The following KCP variants were observed in gnomAD, a reference collection of about 807,000 sequenced individuals.
KCP encodes kielin cysteine rich BMP regulator, also known as kielin/chordin-like protein.
KCP carries 194 observed loss-of-function variants against 212.7 expected under a neutral mutation model. The observed-to-expected ratio is 0.91, with a 90% CI of 0.81 to 1.03. The LOEUF (loss-of-function observed/expected upper bound fraction) is 1.03. Ranked by LOEUF, KCP falls within the 50% of genes least tolerant of loss-of-function variation. The probability of loss-of-function intolerance (pLI) is 0.00; values close to 1 mark genes in which losing one functional copy is unlikely to be tolerated. For synonymous variants in KCP, 833 were observed against 865.3 expected (o/e 0.96, Z 0.65); for missense variants, 2,080 against 2,162.5 (o/e 0.96, Z 0.76).
In KCP at chr7:128,886,752, C is replaced by G; in HGVS notation, c.2690-15G>C. On this transcript the variant is annotated splice_polypyrimidine_tract_variant and intron_variant, in intron 24 of 39. Coordinates refer to ENST00000610776, the MANE Select transcript of KCP (RefSeq NM_001366122.1). ...AGAGAGACAGCCTGTGGGGGACACACCTCCTGGGTGGGGGGCCTGTGCCAC... is the reference window on the plus strand; with the variant it reads ...AGAGAGACAGCCTGTGGGGGACACAGCTCCTGGGTGGGGGGCCTGTGCCAC... 3.2e-6 allele frequency: 5 copies of G among 1,551,046 alleles called. No individual in the cohort carries two copies. The highest frequency in any genetic ancestry group is 4.4e-6 in the Non-Finnish European group (5 of 1,146,450).
chr7:128,878,695 C>G lies in KCP; in HGVS notation c.4174G>C (p.Glu1392Gln). Residue 1392 changes from glutamate to glutamine, a missense_variant, in exon 38 of 40, where the codon GAG becomes CAG. Coordinates refer to ENST00000610776, the MANE Select transcript of KCP (RefSeq NM_001366122.1). ...TGGTAGGAGCCAGGTACGCTCACCT[C>G]CACCTGGGACTGCCCATCCCACAGC... Reference protein sequence around the residue: ...QVLWDGQSQVEVSVPGSYQGR... With the variant: ...QVLWDGQSQVQVSVPGSYQGR... 6.4e-7 allele frequency: 1 copy of G among 1,550,506 alleles called. No individual in the cohort carries two copies. Among genetic ancestry groups the G allele is most frequent in the East Asian group, 2.4e-5 (1 of 40,922 alleles).
intron 29 of KCP, among the ~76,000 whole-genome samples, 155 bp downstream of exon 29, chr7:128,883,847 C>CT (rs1451966521): frequency 3.3e-5 from 5 of 152,248 alleles, no homozygotes; most frequent in Non-Finnish European, 7.3e-5. Flanking sequence ...CCCCAGTTCC[C>CT]TTAGGGATGG....
Position 128,877,786 on chromosome 7 carries a change from G to A in KCP, c.4316C>T (p.Ser1439Leu), listed in dbSNP as rs1390709373. 3.9e-6 allele frequency: 6 copies of A among 1,546,232 alleles called. No homozygotes were observed. The highest frequency in any genetic ancestry group is 3.6e-5 in the South Asian group (3 of 83,760). ...EAAFGNSWQV[S>L]EGLWPGRPCS... ...GGGCCGGCCAGGCCACAGCCCCTCT[G>A]AGACCTGGGTGGGGAGAGCAGCCCT... Residue 1439 changes from serine to leucine, a missense_variant, in exon 39 of 40, where the codon TCA becomes TTA. Transcript: ENST00000610776.
At chr7:128,892,652 G>A in intron 15 of KCP, 36 bp downstream of exon 15, 9 of 1,549,582 alleles carry the variant, frequency 5.8e-6, no homozygotes, top group African/African-American at 1.4e-5. Context: ...TGCCCAGGAG[G>A]GGCTCAGCAG....
chr7:128,881,820 G>A (rs755697049), intron 30 of KCP, 95 bp from the exon 31 acceptor site: 70 of 1,385,654 alleles, frequency 5.1e-5, no homozygotes, highest in Non-Finnish European at 6.6e-5. Context: ...AGGACAAGTG[G>A]GCAAATGTCA....
chr7:128,880,876 T>C, intron 32 of KCP, 121 bp downstream of exon 32: 1 of 399,748 alleles, frequency 2.5e-6, no homozygotes, highest in Non-Finnish European at 4.4e-6. Context: ...TTCGGCTCCA[T>C]GCCCCGGTGC....
intron 29 of KCP, among the ~76,000 whole-genome samples, chr7:128,882,567 G>C (rs1041881664): frequency 2.0e-5 from 3 of 152,184 alleles, no homozygotes; most frequent in Non-Finnish European, 4.4e-5. Flanking sequence ...CTGTGGCATG[G>C]AACAGGTGCT....
In KCP at chr7:128,877,739, C is replaced by T. The variant is rs1793080830; in HGVS notation, c.4363G>A (p.Asp1455Asn). ...CGGTAACCTGCTGCCCGGCACGGAT[C>T]CACCTCTCGGCCTGCAGAACAGGGC... ...GRPCSAGREV[D>N]PCRAAGYRAR... is the part of the protein sequence containing the mutation. Residue 1455 changes from aspartate (D) to asparagine (N), a missense_variant, in exon 39 of 40, where the codon GAT (aspartate) becomes AAT (asparagine). Asp to Asn is a conservative substitution (Grantham distance 23). Coordinates refer to ENST00000610776, the MANE Select transcript of KCP (RefSeq NM_001366122.1). 1 of 1,550,704 alleles carries T rather than the reference C, an allele frequency of 6.4e-7. No homozygotes were observed. The highest frequency in any genetic ancestry group is 8.7e-7 in the Non-Finnish European group (1 of 1,146,982).
chr7:128,887,240 G>A lies in KCP; in HGVS notation c.2573C>T (p.Pro858Leu), dbSNP rs992419215. 1.9e-6 allele frequency: 3 copies of A among 1,551,500 alleles called. No homozygotes were observed. Among genetic ancestry groups the A allele is most frequent in the East Asian group, 4.9e-5 (2 of 40,926 alleles). ...CTGGCAGGTGCAGAGGGAGCAGGTA[G>A]GGTCAAGTGGGTCAGGAAGGGTCTC... ...SGETLPDPLD[P>L]TCSLCTCQEG... The change falls in exon 23 of 40, where the codon CCT becomes CTT. Residue 858 changes from proline (P) to leucine (L), a missense_variant. Transcript: ENST00000610776.
intron 38 of KCP, 66 bp from the exon 39 acceptor site, chr7:128,877,856 T>G (rs1793090214): frequency 1.5e-6 from 2 of 1,370,174 alleles, no homozygotes; most frequent in Admixed American, 4.5e-5. Flanking sequence ...TGCCGTGCTC[T>G]TCAAAGCACT....
intron 5 of KCP, 146 bp from the exon 6 acceptor site, chr7:128,904,284 C>G (rs772264864): frequency 1.9e-6 from 3 of 1,552,728 alleles, no homozygotes; most frequent in Non-Finnish European, 2.6e-6. Context: ...AGGAGGTCAC[C>G]GGGCCGGCAG....
chr7:128,884,052 G>C lies in KCP; in HGVS notation c.3194C>G (p.Pro1065Arg), dbSNP rs772885225. The C allele has an allele frequency of 3.4e-5, 52 of 1,546,252 alleles. No individual in the cohort carries two copies. The highest frequency in any genetic ancestry group is 1.8e-4 in the Middle Eastern group (1 of 5,474). ...GGGCCCAGGGGGCAGGAGCTGGCTG[G>C]GGGGGCAGCCCACCAGGCTGGGACA... ...RQCPSLVGCP[P>R]SQLLPPGPQH... The change falls in exon 29 of 40, where the codon CCC (proline) becomes CGC (arginine). Residue 1065 changes from proline (P) to arginine (R), a missense_variant. Coordinates refer to ENST00000610776, the MANE Select transcript of KCP (RefSeq NM_001366122.1).
In KCP at chr7:128,906,368, G is replaced by A; in HGVS notation, c.487-5C>T. The A allele has an allele frequency of 6.5e-7, 1 of 1,543,780 alleles. No individual in the cohort carries two copies. The highest frequency in any genetic ancestry group is 8.8e-7 in the Non-Finnish European group (1 of 1,141,370). ...GTTGCAAGTGATGGTACCTTCCTGT[G>A]GGAGCAGACTGAGGTGGCTGCACAG... On this transcript the variant is annotated splice_polypyrimidine_tract_variant and splice_region_variant and intron_variant, in intron 4 of 39. Coordinates refer to ENST00000610776, the MANE Select transcript of KCP (RefSeq NM_001366122.1).
chr7:128,877,906 A>G, intron 38 of KCP, 116 bp from the exon 39 acceptor site: 1 of 890,384 alleles, frequency 1.1e-6, no homozygotes, highest in South Asian at 1.7e-5. Context: ...AAACCTCCCT[A>G]AAAGAACAGC....
At position 128,907,265 on chromosome 7, in the gene KCP, C is replaced by T; in HGVS notation, c.408G>A (p.Arg136=). The T allele has an allele frequency of 1.3e-6, 2 of 1,533,382 alleles. No homozygotes were observed. The highest frequency in any genetic ancestry group is 1.8e-6 in the Non-Finnish European group (2 of 1,132,646). The allele number at this position is 1,533,382 out of a possible 1,614,324, so 95.0% of individuals were successfully genotyped here. Residue 136 remains arginine, a splice_region_variant and synonymous_variant, in exon 3 of 40, where the codon AGG becomes AGA. Coordinates refer to ENST00000610776, the MANE Select transcript of KCP (RefSeq NM_001366122.1). ...GTGGGCGGATAGGGTGGCACTTACC[C>T]CTGCAATGGGGCAGGTGTGCTTGGG... ...CGPQAHLPHC[R]GCSQNGQTYG...
chr7:128,880,245 C>G (rs889292994), intron 34 of KCP, 141 bp downstream of exon 34: 2 of 1,293,118 alleles, frequency 1.5e-6, no homozygotes, highest in Non-Finnish European at 2.1e-6. Flanking sequence ...ACATCGTGGT[C>G]GCACTGGGAA....
intron 37 of KCP, 115 bp from the exon 38 acceptor site, chr7:128,878,837 G>A: frequency 9.5e-7 from 1 of 1,051,956 alleles, no homozygotes; most frequent in South Asian, 1.7e-5. Flanking sequence ...TAGGGGAGGA[G>A]AATGGACAGG....
In KCP at chr7:128,885,120, T is replaced by C. The variant is rs977506339; in HGVS notation, c.3017A>G (p.His1006Arg). 4 of 1,550,722 alleles carry C rather than the reference T, an allele frequency of 2.6e-6. No individual in the cohort carries two copies. The African/African-American group carries it at 4.1e-5, about 16-fold the overall frequency. The change falls in exon 27 of 40, where the codon CAT becomes CGT. Residue 1006 changes from histidine (H) to arginine (R), a missense_variant. His to Arg is a conservative substitution (Grantham distance 29). Transcript: ENST00000610776. Reference sequence around the variant, plus strand: ...ACCAGAGCATTGAGGACAGCAGTCATGGGGCCCTTGGCGGGGCTGGGCGCA... The same window carrying C: ...ACCAGAGCATTGAGGACAGCAGTCACGGGGCCCTTGGCGGGGCTGGGCGCA... The part of the protein sequence containing the change: ...SSCAQPRQGP[H>R]DCCPQCSDCE...
chr7:128,910,634 G>C lies in KCP; in HGVS notation c.43C>G (p.Leu15Val). 3 of 1,517,978 alleles carry C rather than the reference G, an allele frequency of 2.0e-6. No individual in the cohort carries two copies. Among genetic ancestry groups the C allele is most frequent in the Non-Finnish European group, 2.6e-6 (3 of 1,139,974 alleles). The allele number at this position is 1,517,978 out of a possible 1,614,324, so 94.0% of individuals were successfully genotyped here. Residue 15 changes from leucine to valine, a missense_variant, in exon 1 of 40, where the codon CTC (leucine) becomes GTC (valine). Coordinates refer to ENST00000610776, the MANE Select transcript of KCP (RefSeq NM_001366122.1). Reference sequence around the variant, plus strand: ...CCCGCGGCCAGCGCCAGGGCCCCGAGGTGCAGGAGAAGGGACAGCGCAGCG... The same window carrying C: ...CCCGCGGCCAGCGCCAGGGCCCCGACGTGCAGGAGAAGGGACAGCGCAGCG... ...GAAALSLLLH[L>V]GALALAAGAE...
Sources: allele counts gnomAD v4.1 joint callset (sites outside exome capture counted in the v4.1 genomes callset), GRCh38; gene constraint gnomAD v4.1.1; transcripts MANE v1.5; gene names NCBI Gene and HGNC (gene_info 2026-07-23, HGNC 2026-07-21).